Variants in MYBL2 observed in about 807,000 individuals in gnomAD.
MYBL2 encodes the protein MYB proto-oncogene like 2, also known as myb-related protein B.
In MYBL2, 28 loss-of-function variants were observed where a neutral mutation model predicts 79.9. That is an observed-to-expected ratio of 0.35 (90% CI 0.26 to 0.48). The LOEUF (loss-of-function observed/expected upper bound fraction) is 0.48, where lower values mean the gene tolerates loss of function less well. Ranked by LOEUF, MYBL2 falls within the 20% of genes least tolerant of loss-of-function variation. The pLI is 0.99. For synonymous variants in MYBL2, 378 were observed against 361.2 expected (o/e 1.05, Z -0.53); for missense variants, 735 against 893.9 (o/e 0.82, Z 2.27).
At chr20:43,700,741 C>G (rs1244533256) in intron 7 of MYBL2, among the ~76,000 whole-genome samples, 1 of 152,136 alleles carries the variant, frequency 6.6e-6, no homozygotes, top group East Asian at 1.9e-4. Flanking sequence ...GCTTAACATA[C>G]AGTCTGCGTG....
chr20:43,696,754 G>A (rs1987551974), intron 6 of MYBL2, among the ~76,000 whole-genome samples: 1 of 152,252 alleles, frequency 6.6e-6, no homozygotes. Flanking sequence ...TTTAGATGGG[G>A]TCTCACTCTG....
At chr20:43,704,742 A>G (rs1400420430) in intron 8 of MYBL2, among the ~76,000 whole-genome samples, 3 of 152,322 alleles carry the variant, frequency 2.0e-5, no homozygotes, top group Middle Eastern at 3.4e-3. Context: ...AATAGTGCCT[A>G]TGTCTCAGGA....
intron 1 of MYBL2, among the ~76,000 whole-genome samples, chr20:43,669,962 G>A (rs1378928124): frequency 1.3e-5 from 2 of 152,170 alleles, no homozygotes; most frequent in African/African-American, 2.4e-5. Flanking sequence ...AAATTAGCCG[G>A]GCGTGGTGGT....
chr20:43,709,653 C>T (rs1289613131), intron 9 of MYBL2, among the ~76,000 whole-genome samples: 2 of 152,198 alleles, frequency 1.3e-5, no homozygotes, highest in Non-Finnish European at 2.9e-5. Flanking sequence ...TGCTCCGTGC[C>T]CCCTCTCACT....
chr20:43,696,501 G>A (rs1261492159), intron 6 of MYBL2, among the ~76,000 whole-genome samples: 3 of 152,280 alleles, frequency 2.0e-5, no homozygotes, highest in Non-Finnish European at 2.9e-5. Flanking sequence ...GATTACAGGC[G>A]TGAGCCACCA....
At chr20:43,669,652 T>G (rs1986812952) in intron 1 of MYBL2, among the ~76,000 whole-genome samples, 1 of 152,098 alleles carries the variant, frequency 6.6e-6, no homozygotes, top group African/African-American at 2.4e-5. Flanking sequence ...GTGTCTGGAG[T>G]TAGGAAGGTT....
chr20:43,689,375 T>C (rs1987353604), intron 5 of MYBL2, among the ~76,000 whole-genome samples: 1 of 152,090 alleles, frequency 6.6e-6, no homozygotes, highest in African/African-American at 2.4e-5. Context: ...CTGGCTTCTT[T>C]CCCCCCATGG....
intron 9 of MYBL2, among the ~76,000 whole-genome samples, chr20:43,706,707 A>C (rs796888180): frequency 0.11 from 1,830 of 17,412 alleles, 70 homozygotes; most frequent in African/African-American, 0.29. Flanking sequence ...TCTGTACACA[A>C]AAAAAAAAAA....
chr20:43,694,607 A>G (rs1031922870), intron 6 of MYBL2, among the ~76,000 whole-genome samples: 4 of 152,184 alleles, frequency 2.6e-5, no homozygotes, highest in African/African-American at 9.6e-5. Context: ...TGAATTTTCA[A>G]TTTTAGAGAA....
In MYBL2 at chr20:43,701,931, C is replaced by CA. The variant is rs546971310; in HGVS notation, c.952-557dup. Among the ~76,000 whole-genome samples the CA allele has an allele frequency of 7.9e-5, 12 of 152,208 alleles. No homozygotes were observed. In the East Asian group the frequency reaches 2.3e-3, roughly 29 times the overall value. ...CTGTCATCCCAGCACTTTTGGAGGC[C>CA]AAGGTGGTCAGATCACCTGAGGTCA... On this transcript the variant is annotated intron_variant, in intron 7 of 13. Coordinates refer to ENST00000217026, the MANE Select transcript of MYBL2 (RefSeq NM_002466.4).
intron 4 of MYBL2, among the ~76,000 whole-genome samples, chr20:43,684,911 C>G (rs1987232539): frequency 6.6e-6 from 1 of 150,910 alleles, no homozygotes; most frequent in Admixed American, 6.6e-5. Flanking sequence ...TTTTGGGAGC[C>G]TGGGGTGGGT....
intron 6 of MYBL2, among the ~76,000 whole-genome samples, chr20:43,697,427 C>T (rs1426156111): frequency 2.0e-5 from 3 of 150,856 alleles, no homozygotes; most frequent in Non-Finnish European, 4.4e-5. Context: ...CTGGCCAATA[C>T]GGTGAAACCC....
At chr20:43,673,983 C>G (rs1986934660) in intron 2 of MYBL2, 84 bp downstream of exon 2, 2 of 1,216,556 alleles carry the variant, frequency 1.6e-6, no homozygotes, top group Middle Eastern at 2.5e-4. Flanking sequence ...GATGTCTCAT[C>G]AGATGGGATG....
intron 11 of MYBL2, among the ~76,000 whole-genome samples, chr20:43,712,305 G>T (rs1257374251): frequency 6.6e-6 from 1 of 152,228 alleles, no homozygotes; most frequent in African/African-American, 2.4e-5. Flanking sequence ...GATGTACAGG[G>T]TGTTAGGTAA....
At chr20:43,670,090 G>A (rs1986822468) in intron 1 of MYBL2, among the ~76,000 whole-genome samples, 3 of 152,262 alleles carry the variant, frequency 2.0e-5, no homozygotes, top group South Asian at 4.1e-4. Flanking sequence ...GGGTGACAAA[G>A]CGAGACTCTA....
Position 43,715,171 on chromosome 20 carries a change from T to C in MYBL2, c.1862T>C (p.Leu621Pro). ...CCTTCAAACTCTTCCAGCCTCACCCTGTCAGGTATCAAAGAAGACAACAGC... is the reference window on the plus strand; with the variant it reads ...CCTTCAAACTCTTCCAGCCTCACCCCGTCAGGTATCAAAGAAGACAACAGC... ...TAPSNSSSLTLSGIKEDNSLL... is the reference protein window; with the variant it reads ...TAPSNSSSLTPSGIKEDNSLL... Residue 621 changes from leucine (L) to proline (P), a missense_variant, in exon 13 of 14, where the codon CTG (leucine) becomes CCG (proline). Physicochemically the swap from Leu to Pro is moderately conservative, Grantham distance 98 (BLOSUM62 -3). Around this residue, in one of 5 missense-constraint regions of MYBL2, gnomAD observed 204 missense variants for 202.9 expected, o/e 1.01. Coordinates refer to ENST00000217026, the MANE Select transcript of MYBL2 (RefSeq NM_002466.4). 1.2e-6 allele frequency: 2 copies of C among 1,614,224 alleles called. No individual in the cohort carries two copies. Among genetic ancestry groups the C allele is most frequent in the Non-Finnish European group, 1.7e-6 (2 of 1,180,044 alleles).
At chr20:43,714,559 C>T (rs142627404) in intron 12 of MYBL2, among the ~76,000 whole-genome samples, 7 of 152,202 alleles carry the variant, frequency 4.6e-5, no homozygotes, top group Non-Finnish European at 7.4e-5. Context: ...AACGCACACA[C>T]GTTTCTTTAC....
chr20:43,680,892 G>A (rs1214788934), intron 2 of MYBL2, among the ~76,000 whole-genome samples: 1 of 152,166 alleles, frequency 6.6e-6, no homozygotes, highest in Admixed American at 6.6e-5. Flanking sequence ...CACCAGCACA[G>A]CCGGGCTATA....
At chr20:43,678,364 CTGATTCCTCGAGGGCCTTGAA>C (rs1186467160) in intron 2 of MYBL2, among the ~76,000 whole-genome samples, 2 of 151,740 alleles carry the variant, frequency 1.3e-5, no homozygotes, top group Non-Finnish European at 2.9e-5. Flanking sequence ...TACACTGGGG[CTGATTCCTCGAGGGCCTTGAA>C]TGTTGGGCTT....
Sources: gnomAD v4.1 joint callset for allele counts (sites outside exome capture counted in the v4.1 genomes callset) on GRCh38, gnomAD v4.1.1 for gene constraint, gnomAD v4.1.1 regional missense constraint, MANE v1.5 for transcripts, NCBI Gene and HGNC (gene_info 2026-07-23, HGNC 2026-07-21) for gene names.